Variants in GRM3 observed in about 807,000 individuals in gnomAD.
GRM3 encodes the protein metabotropic glutamate receptor 3.
In GRM3, 26 loss-of-function variants were observed where a neutral mutation model predicts 70.5. The ratio of observed to expected loss-of-function variants is 0.37; its 90% CI spans 0.27 to 0.51. The LOEUF is 0.51. GRM3 is among the 20% of genes least tolerant of loss of function. The pLI is 0.93. For synonymous variants in GRM3, 443 were observed against 434.9 expected (o/e 1.02, Z -0.23); for missense variants, 859 against 1,123.8 (o/e 0.76, Z 3.37).
intron 1 of GRM3, among the ~76,000 whole-genome samples, chr7:86,725,502 A>G (rs1460888676): frequency 6.6e-6 from 1 of 152,148 alleles, no homozygotes; most frequent in Non-Finnish European, 1.5e-5. Flanking sequence ...GCCACATAGC[A>G]TCACCCTCAC....
In GRM3 at chr7:86,644,765, T is replaced by C. The variant is rs1342856348; in HGVS notation, c.-248T>C. The C allele has an allele frequency of 1.6e-6, 2 of 1,284,924 alleles. No homozygotes were observed. The highest frequency in any genetic ancestry group is 2.0e-6 in the Non-Finnish European group (2 of 984,510). 79.6% of individuals were successfully genotyped at this position (1,284,924 alleles called of 1,614,324 possible). On this transcript the variant is annotated 5_prime_UTR_variant, in exon 1 of 6. Coordinates refer to ENST00000361669, the MANE Select transcript of GRM3 (RefSeq NM_000840.3). ...GACAAAGCCAGTAAGCTACCTCTTT[T>C]GTGTCGGATGAGGAGGACCAACCAT...
At chr7:86,686,379 C>G (rs1794568025) in intron 1 of GRM3, among the ~76,000 whole-genome samples, 1 of 152,088 alleles carries the variant, frequency 6.6e-6, no homozygotes, top group East Asian at 1.9e-4. Flanking sequence ...TGAGGGAACC[C>G]TAAAACATGG....
At chr7:86,760,056 G>T (rs1796441619) in intron 1 of GRM3, among the ~76,000 whole-genome samples, 1 of 152,088 alleles carries the variant, frequency 6.6e-6, no homozygotes, top group African/African-American at 2.4e-5. Context: ...GTTCCAGATT[G>T]ATTGAGTGTG....
intron 3 of GRM3, among the ~76,000 whole-genome samples, chr7:86,805,575 G>A (rs1227028396): frequency 1.3e-5 from 2 of 152,086 alleles, no homozygotes; most frequent in African/African-American, 4.8e-5. Flanking sequence ...ACTCCCCTGT[G>A]CTCCACCTAT....
chr7:86,715,588 C>T (rs1421862001), intron 1 of GRM3, among the ~76,000 whole-genome samples: 1 of 151,988 alleles, frequency 6.6e-6, no homozygotes, highest in Non-Finnish European at 1.5e-5. Flanking sequence ...CAGAACCTGA[C>T]ACAGCACCTA....
chr7:86,699,053 G>T (rs1297845376), intron 1 of GRM3, among the ~76,000 whole-genome samples: 1 of 151,976 alleles, frequency 6.6e-6, no homozygotes, highest in Non-Finnish European at 1.5e-5. Flanking sequence ...CAAAACCAGA[G>T]ATTTTAAAGT....
intron 3 of GRM3, among the ~76,000 whole-genome samples, chr7:86,831,885 A>G (rs963914465): frequency 6.6e-6 from 1 of 151,170 alleles, no homozygotes; most frequent in Non-Finnish European, 1.5e-5. Context: ...AGTGTTTTCC[A>G]CACGTAAGAC....
chr7:86,787,072 G>A lies in GRM3; in HGVS notation c.1280G>A (p.Gly427Glu), dbSNP rs1797270766. The A allele has an allele frequency of 6.2e-7, 1 of 1,611,496 alleles. No individual in the cohort carries two copies. The highest frequency in any genetic ancestry group is 8.5e-7 in the Non-Finnish European group (1 of 1,178,554). Residue 427 changes from glycine (G) to glutamate (E), a missense_variant, in exon 3 of 6, where the codon GGG (glycine) becomes GAG (glutamate). Transcript: ENST00000361669. ...KLCDAMKILD[G>E]KKLYKDYLLK... is the part of the protein sequence containing the mutation. ...TGTGATGCTATGAAGATCCTGGATGGGAAGAAGTTGTACAAGGATTACTTG... is the reference window on the plus strand; with the variant it reads ...TGTGATGCTATGAAGATCCTGGATGAGAAGAAGTTGTACAAGGATTACTTG...
At chr7:86,675,117 A>G (rs976080018) in intron 1 of GRM3, among the ~76,000 whole-genome samples, 1 of 152,070 alleles carries the variant, frequency 6.6e-6, no homozygotes, top group Admixed American at 6.6e-5. Flanking sequence ...GTATAGCACT[A>G]GTTGTTATAA....
At chr7:86,842,413 T>A (rs939077609) in intron 4 of GRM3, among the ~76,000 whole-genome samples, 2 of 152,202 alleles carry the variant, frequency 1.3e-5, no homozygotes, top group Admixed American at 1.3e-4. Context: ...TGCTCACCCC[T>A]GAAGACAGAG....
At chr7:86,678,843 G>T (rs952841912) in intron 1 of GRM3, among the ~76,000 whole-genome samples, 2 of 151,972 alleles carry the variant, frequency 1.3e-5, no homozygotes, top group African/African-American at 4.8e-5. Context: ...AGGCATTTCT[G>T]CTTTCATGAT....
chr7:86,783,235 T>G (rs1797123868), intron 2 of GRM3, among the ~76,000 whole-genome samples: 1 of 152,206 alleles, frequency 6.6e-6, no homozygotes, highest in South Asian at 2.1e-4. Context: ...ATAATATTGC[T>G]TCTGTTCCTC....
At chr7:86,656,856 T>C (rs1253962805) in intron 1 of GRM3, among the ~76,000 whole-genome samples, 2 of 152,138 alleles carry the variant, frequency 1.3e-5, no homozygotes, top group African/African-American at 4.8e-5. Context: ...CAAAATAATA[T>C]AAGATGTGGC....
chr7:86,702,298 G>A (rs929629778), intron 1 of GRM3, among the ~76,000 whole-genome samples: 8 of 151,900 alleles, frequency 5.3e-5, no homozygotes, highest in African/African-American at 1.7e-4. Flanking sequence ...GGATCATCAG[G>A]GTTGATCAGC....
chr7:86,850,453 C>T lies in GRM3; in HGVS notation c.2475C>T (p.Ile825=), dbSNP rs369276551. Residue 825 remains isoleucine (I), a synonymous_variant, in exon 5 of 6, where the codon ATC becomes ATT. Coordinates refer to ENST00000361669, the MANE Select transcript of GRM3 (RefSeq NM_000840.3). ...LGCLFAPKVH[I]ILFQPQKNVV... is the part of the protein sequence containing the mutation. The stretch of plus-strand genomic sequence containing the variant: ...GTTTGTTTGCACCCAAGGTTCACAT[C>T]ATCCTGTTTCAACCCCAGAAGAATG... The T allele has an allele frequency of 5.6e-6, 9 of 1,611,566 alleles. 1 individual carries two copies. The highest frequency in any genetic ancestry group is 7.6e-6 in the Non-Finnish European group (9 of 1,177,952).
intron 2 of GRM3, among the ~76,000 whole-genome samples, chr7:86,770,767 G>GTAA (rs1454910013): frequency 6.6e-6 from 1 of 152,110 alleles, no homozygotes; most frequent in African/African-American, 2.4e-5. Context: ...ACTTGGGAGT[G>GTAA]TAATAGCCTT....
intron 1 of GRM3, among the ~76,000 whole-genome samples, chr7:86,764,506 T>C (rs1489347447): frequency 6.6e-6 from 1 of 152,062 alleles, no homozygotes. Context: ...AGAGATGCAG[T>C]GGTAGAAATG....
intron 1 of GRM3, among the ~76,000 whole-genome samples, chr7:86,694,525 AAAAGAAAAGAAAG>A (rs1201523123): frequency 8.9e-4 from 128 of 143,926 alleles, no homozygotes; most frequent in African/African-American, 2.4e-3. Flanking sequence ...AAAAAAAAAA[AAAAGAAAAGAAAG>A]AAAGAAAAGA....
chr7:86,663,519 T>A (rs1490515893), intron 1 of GRM3, among the ~76,000 whole-genome samples: 1 of 152,028 alleles, frequency 6.6e-6, no homozygotes, highest in East Asian at 1.9e-4. Context: ...ATTTGTGTAG[T>A]TTTGCACTAA....
Sources: gnomAD v4.1 joint callset for allele counts (sites outside exome capture counted in the v4.1 genomes callset) on GRCh38, gnomAD v4.1.1 for gene constraint, MANE v1.5 for transcripts, NCBI Gene and HGNC (gene_info 2026-07-23, HGNC 2026-07-21) for gene names.